APBB2: variants seen among roughly 807,000 people sequenced by gnomAD.
APBB2 encodes amyloid beta precursor protein binding family B member 2.
A neutral mutation model predicts 82.5 loss-of-function variants in APBB2; 38 were observed. The observed-to-expected ratio is 0.46, with a 90% CI of 0.36 to 0.60. APBB2 has a LOEUF of 0.60. Ranked by LOEUF, APBB2 falls within the 20% of genes least tolerant of loss-of-function variation. APBB2 has a pLI of 0.00. For missense variants in APBB2, 772 were observed against 972.3 expected (o/e 0.79, Z 2.74); for synonymous variants, 341 against 368.2 (o/e 0.93, Z 0.85).
chr4:40,829,885 G>C (rs1044731392), intron 13 of APBB2, among the ~76,000 whole-genome samples: 2 of 152,164 alleles, frequency 1.3e-5, no homozygotes, highest in African/African-American at 4.8e-5. Flanking sequence ...CAGGAAGTTG[G>C]TGTGTGTTAA....
intron 16 of APBB2, 23 bp downstream of exon 16, chr4:40,823,619 AAT>A: frequency 6.7e-7 from 1 of 1,496,468 alleles, no homozygotes; most frequent in Non-Finnish European, 9.3e-7. Flanking sequence ...AAGACACACC[AAT>A]GTCATCGAAG....
chr4:41,008,626 T>C (rs564606868), intron 6 of APBB2, among the ~76,000 whole-genome samples: 2 of 152,330 alleles, frequency 1.3e-5, no homozygotes, highest in African/African-American at 4.8e-5. Context: ...ACTGTACTGA[T>C]ACTGTCTCTA....
chr4:40,875,742 G>A (rs550385560), intron 12 of APBB2, among the ~76,000 whole-genome samples: 26 of 152,110 alleles, frequency 1.7e-4, no homozygotes, highest in Non-Finnish European at 3.4e-4. Flanking sequence ...GACTCTGGGA[G>A]AGTAGTTGTT....
In APBB2 at chr4:40,826,076, T is replaced by C; in HGVS notation, c.1733-106A>G. The stretch of plus-strand genomic sequence containing the variant: ...AATGCTCAGGACACGCCCTGTGCCA[T>C]AACGCCCTATGTTTCTGGATGTAAA... On this transcript the variant is annotated intron_variant, in intron 14 of 17. Transcript: ENST00000508593. The surrounding 1 kb of genome is among the most constrained non-coding windows in gnomAD (Gnocchi z 4.5). The C allele has an allele frequency of 1.2e-6, 1 of 812,884 alleles. No homozygotes were observed. The highest frequency in any genetic ancestry group is 1.7e-5 in the African/African-American group (1 of 59,104). The allele number at this position is 812,884 out of a possible 1,614,324, so 50.4% of individuals were successfully genotyped here. A position where few individuals can be genotyped will look rare whatever the true frequency, so the allele number is the denominator to read the frequency against.
At chr4:41,213,153 G>C (rs917964879) in intron 1 of APBB2, among the ~76,000 whole-genome samples, 1 of 150,058 alleles carries the variant, frequency 6.7e-6, no homozygotes, top group Non-Finnish European at 1.5e-5. Flanking sequence ...CATTGTGTTT[G>C]TTTTTTTTAA....
chr4:41,095,543 C>A (rs1322052021), intron 3 of APBB2, among the ~76,000 whole-genome samples: 1 of 152,204 alleles, frequency 6.6e-6, no homozygotes, highest in East Asian at 1.9e-4. Context: ...GACACTGTTT[C>A]ATCTTATCTA....
At chr4:41,033,165 A>T in intron 5 of APBB2, 71 bp downstream of exon 5, 1 of 964,270 alleles carries the variant, frequency 1.0e-6, no homozygotes, top group East Asian at 2.5e-5. Flanking sequence ...TTTAACATTA[A>T]ACATTATCTT....
At position 41,001,657 on chromosome 4, in the gene APBB2, C is replaced by T. The variant is rs192608361; in HGVS notation, c.835+11926G>A. Among the ~76,000 whole-genome samples, 60 of 152,282 alleles carry T rather than the reference C, an allele frequency of 3.9e-4. 1 individual carries two copies. The East Asian group carries it at 9.7e-3, about 24-fold the overall frequency. On this transcript the variant is annotated intron_variant, in intron 6 of 17. Coordinates refer to ENST00000508593, the MANE Select transcript of APBB2 (RefSeq NM_004307.2). ...CTTTGGGAGGCCAAGGCAGGCGGAT[C>T]ACCTACGGTCGGGAGTTCAAGACCA...
chr4:40,850,126 G>A (rs779601657), intron 12 of APBB2, among the ~76,000 whole-genome samples: 1 of 152,036 alleles, frequency 6.6e-6, no homozygotes, highest in Non-Finnish European at 1.5e-5. Context: ...AAACCACAAC[G>A]CCACTGCTGT....
At chr4:41,134,887 C>T (rs184452404) in intron 2 of APBB2, among the ~76,000 whole-genome samples, 1 of 152,318 alleles carries the variant, frequency 6.6e-6, no homozygotes, top group Admixed American at 6.5e-5. Flanking sequence ...ACACTGCTAA[C>T]TAGTTCACTT....
intron 1 of APBB2, among the ~76,000 whole-genome samples, chr4:41,149,752 T>A (rs77046202): frequency 7.2e-5 from 11 of 152,068 alleles, no homozygotes; most frequent in Non-Finnish European, 1.5e-4. Flanking sequence ...AGGGACCCAG[T>A]GGGCGGTAAC....
chr4:41,049,308 G>A (rs931169416), intron 4 of APBB2, among the ~76,000 whole-genome samples: 15 of 127,762 alleles, frequency 1.2e-4, no homozygotes, highest in African/African-American at 4.3e-4. Context: ...CCCTCTGCCC[G>A]GCAGCCGCCC....
At chr4:40,983,843 C>CT (rs1189078905) in intron 6 of APBB2, among the ~76,000 whole-genome samples, 1 of 152,226 alleles carries the variant, frequency 6.6e-6, no homozygotes, top group Admixed American at 6.5e-5. Context: ...TCCCAAAGTG[C>CT]TGGGGATACA....
chr4:40,856,380 C>A (rs1278955368), intron 12 of APBB2, among the ~76,000 whole-genome samples: 1 of 152,218 alleles, frequency 6.6e-6, no homozygotes. Context: ...AATCTTCACG[C>A]CTTTCTTTTC....
intron 3 of APBB2, among the ~76,000 whole-genome samples, chr4:41,097,766 T>A (rs1422486652): frequency 6.6e-6 from 1 of 152,144 alleles, no homozygotes; most frequent in East Asian, 1.9e-4. Flanking sequence ...ATTTTCTGAA[T>A]TGCTTGAAAT....
chr4:40,920,429 C>G (rs1780964030), intron 10 of APBB2, among the ~76,000 whole-genome samples: 1 of 152,324 alleles, frequency 6.6e-6, no homozygotes, highest in South Asian at 2.1e-4. Flanking sequence ...ACAAACCACA[C>G]ACATACACAA....
rs1166578233 is a variant in APBB2 at position 40,897,535 on chromosome 4, G to T, written c.1255-4124C>A. ...CTCCGTCTCAAAAAAAAAAAAAATT[G>T]TTTTGTCATACTGATGAATATAAGC... On this transcript the variant is annotated intron_variant, in intron 10 of 17. Coordinates refer to ENST00000508593, the MANE Select transcript of APBB2 (RefSeq NM_004307.2). 2.6e-5 allele frequency among the ~76,000 whole-genome samples: 4 copies of T among 151,728 alleles called. No homozygotes were observed. The East Asian group carries it at 7.7e-4, about 29-fold the overall frequency.
intron 6 of APBB2, among the ~76,000 whole-genome samples, chr4:40,981,909 G>A (rs1375503132): frequency 6.6e-6 from 1 of 152,050 alleles, no homozygotes; most frequent in Non-Finnish European, 1.5e-5. Flanking sequence ...GACCAGGCCA[G>A]GTGCAGTGGC....
intron 6 of APBB2, among the ~76,000 whole-genome samples, chr4:40,982,624 C>T (rs1244921414): frequency 6.6e-6 from 1 of 151,742 alleles, no homozygotes; most frequent in Admixed American, 6.6e-5. Flanking sequence ...CAAAAATTAG[C>T]TGGTCTCTAC....
Sources: gnomAD v4.1 joint callset for allele counts (sites outside exome capture counted in the v4.1 genomes callset) on GRCh38, gnomAD v4.1.1 for gene constraint, Gnocchi (gnomAD v3.1) non-coding constraint, MANE v1.5 for transcripts, NCBI Gene and HGNC (gene_info 2026-07-23, HGNC 2026-07-21) for gene names.